The following WDR25 variants were observed in gnomAD, a reference collection of about 807,000 sequenced individuals.
WDR25 encodes WD repeat-containing protein 25.
In WDR25, 35 loss-of-function variants were observed where a neutral mutation model predicts 47.7. The ratio of observed to expected loss-of-function variants is 0.73; its 90% CI spans 0.56 to 0.97. The LOEUF is 0.97. Among genes scored for constraint, WDR25 ranks in the 50% least tolerant of loss-of-function variants. The probability of loss-of-function intolerance (pLI) is 0.00; values close to 1 mark genes in which losing one functional copy is unlikely to be tolerated. For missense variants in WDR25, 634 were observed against 704.7 expected (o/e 0.90, Z 1.14); for synonymous variants, 248 against 278.9 (o/e 0.89, Z 1.10).
rs1194782589 is a variant in WDR25 at position 100,430,890 on chromosome 14, G to C, written c.823-37131G>C. Among the ~76,000 whole-genome samples, 13 of 152,154 alleles carry C rather than the reference G, an allele frequency of 8.5e-5. No homozygotes were observed. The highest frequency in any genetic ancestry group is 8.5e-4 in the Admixed American group (13 of 15,276). On this transcript the variant is annotated intron_variant, in intron 2 of 6. Coordinates refer to ENST00000402312, the MANE Select transcript of WDR25 (RefSeq NM_001161476.3). The surrounding 1 kb of genome is among the most constrained non-coding windows in gnomAD (Gnocchi z 4.7). The stretch of plus-strand genomic sequence containing the variant: ...GTCATTTCATCCACCAACTCCTGCG[G>C]TGCCAGAGGTGTCCTCTGGCCTCAG...
intron 5 of WDR25, among the ~76,000 whole-genome samples, chr14:100,528,228 A>T (rs1471987634): frequency 1.3e-5 from 2 of 152,126 alleles, no homozygotes; most frequent in Admixed American, 6.5e-5. Context: ...AATCAATATT[A>T]AGTATGATTG....
Position 100,496,857 on chromosome 14 carries a change from A to G in WDR25, c.1101+12733A>G, listed in dbSNP as rs140877245. Among the ~76,000 whole-genome samples, 262 of 87,264 alleles carry G rather than the reference A, an allele frequency of 3.0e-3. 11 individuals are homozygous for G. The East Asian group carries it at 0.086, about 29-fold the overall frequency. 57.2% of individuals were successfully genotyped at this position (87,264 alleles called of 152,430 possible). On this transcript the variant is annotated intron_variant, in intron 4 of 6. Coordinates refer to ENST00000402312, the MANE Select transcript of WDR25 (RefSeq NM_001161476.3). ...TTTTTTTTTTTTTTTTTTTTTGGAG[A>G]CAGAGTCTTGCTCTGTCCCTTAGGC...
chr14:100,481,259 GA>G, intron 3 of WDR25: 1 of 694,884 alleles, frequency 1.4e-6, no homozygotes, highest in Non-Finnish European at 2.4e-6. Context: ...AGGAGAGAAA[GA>G]AACCAAGTCT....
At chr14:100,443,861 A>G (rs1898744047) in intron 2 of WDR25, among the ~76,000 whole-genome samples, 1 of 152,226 alleles carries the variant, frequency 6.6e-6, no homozygotes, top group African/African-American at 2.4e-5. Context: ...GCTGTCGTTT[A>G]GTGCCGGGCG....
rs570343771 is a variant in WDR25, at chr14:100,499,997, G to A, written c.1101+15873G>A. ...AGAGCTGTCCCTGAGATGGGGGATG[G>A]TACAAGCATTGGGAAATGGTCTTGC... On this transcript the variant is annotated intron_variant, in intron 4 of 6. Coordinates refer to ENST00000402312, the MANE Select transcript of WDR25 (RefSeq NM_001161476.3). This position sits in a 1 kb window ranked among gnomAD's most constrained non-coding sequence, Gnocchi z 4.4. 6.6e-6 allele frequency among the ~76,000 whole-genome samples: 1 copy of A among 152,214 alleles called. No individual in the cohort carries two copies. The highest frequency in any genetic ancestry group is 2.1e-4 in the South Asian group (1 of 4,820).
intron 4 of WDR25, among the ~76,000 whole-genome samples, chr14:100,511,171 T>C (rs2140363598): frequency 6.6e-6 from 1 of 152,344 alleles, no homozygotes; most frequent in South Asian, 2.1e-4. Flanking sequence ...AAGCATAGTA[T>C]ACTTCTCTAT....
At chr14:100,378,969 A>C (rs1896802319) in intron 1 of WDR25, among the ~76,000 whole-genome samples, 1 of 20,314 alleles carries the variant, frequency 4.9e-5, no homozygotes, top group African/African-American at 1.0e-4. Context: ...AAAAAAAAAA[A>C]AAAAAAAAAA....
At chr14:100,400,480 A>G (rs559712969) in intron 2 of WDR25, among the ~76,000 whole-genome samples, 2 of 152,356 alleles carry the variant, frequency 1.3e-5, no homozygotes, top group South Asian at 4.1e-4. Context: ...CCAGCAAGGA[A>G]GAGTTAGTTC....
intron 2 of WDR25, among the ~76,000 whole-genome samples, chr14:100,421,543 A>G (rs1898025951): frequency 6.6e-6 from 1 of 152,238 alleles, no homozygotes; most frequent in Non-Finnish European, 1.5e-5. Context: ...AAAAGAACAA[A>G]AAAATAAAAT....
chr14:100,385,546 G>T (rs559677858), intron 2 of WDR25, among the ~76,000 whole-genome samples: 3 of 152,302 alleles, frequency 2.0e-5, no homozygotes, highest in African/African-American at 4.8e-5. Flanking sequence ...CATTACAGTG[G>T]AAAGATACTT....
At chr14:100,402,441 C>T (rs979310341) in intron 2 of WDR25, among the ~76,000 whole-genome samples, 6 of 151,890 alleles carry the variant, frequency 4.0e-5, no homozygotes, top group Non-Finnish European at 8.8e-5. Flanking sequence ...AGGAGTGACT[C>T]GTTCTTTTGC....
chr14:100,471,504 T>C (rs1188124990), intron 3 of WDR25, among the ~76,000 whole-genome samples: 4 of 152,226 alleles, frequency 2.6e-5, no homozygotes, highest in Non-Finnish European at 5.9e-5. Flanking sequence ...ACTTGTCTTG[T>C]CCTTTCTCTT....
chr14:100,417,980 C>T (rs1478359120), intron 2 of WDR25, among the ~76,000 whole-genome samples: 5 of 150,286 alleles, frequency 3.3e-5, no homozygotes, highest in East Asian at 3.9e-4. Context: ...CTCGCTCTGT[C>T]GCCCAGGCTG....
Position 100,378,687 on chromosome 14 carries a change from G to GGGGAAA in WDR25, c.-16+2193_-16+2194insGGAAAG, listed in dbSNP as rs1210168020. 1.3e-3 allele frequency among the ~76,000 whole-genome samples: 34 copies of GGGGAAA among 25,596 alleles called. 1 individual carries two copies. The highest frequency in any genetic ancestry group is 0.036 in the Middle Eastern group (1 of 28). 16.8% of individuals were successfully genotyped at this position (25,596 alleles called of 152,430 possible). A position where few individuals can be genotyped will look rare whatever the true frequency, so the allele number is the denominator to read the frequency against. ...AGAATGTTCCAGGCAGGCCGGGCGC[G>GGGGAAA]GTGGCTCACGCCTGTAATCCCAGCA... On this transcript the variant is annotated intron_variant, in intron 1 of 6. Coordinates refer to ENST00000402312, the MANE Select transcript of WDR25 (RefSeq NM_001161476.3).
intron 4 of WDR25, among the ~76,000 whole-genome samples, chr14:100,490,774 G>A (rs1044720173): frequency 2.6e-5 from 4 of 152,196 alleles, no homozygotes; most frequent in African/African-American, 4.8e-5. Flanking sequence ...AGATGGCTTC[G>A]TCTACTTGGC....
intron 2 of WDR25, among the ~76,000 whole-genome samples, chr14:100,398,253 C>T (rs1897303147): frequency 1.3e-5 from 2 of 152,188 alleles, no homozygotes; most frequent in Admixed American, 1.3e-4. Context: ...AGAGGCATGT[C>T]ACTCCTTTTG....
At chr14:100,433,156 T>TTA (rs1898393535) in intron 2 of WDR25, among the ~76,000 whole-genome samples, 1 of 152,268 alleles carries the variant, frequency 6.6e-6, no homozygotes, top group Non-Finnish European at 1.5e-5. Context: ...AAAATATCCT[T>TTA]TATAGCAAAA....
intron 4 of WDR25, among the ~76,000 whole-genome samples, chr14:100,496,536 T>C (rs929627126): frequency 2.6e-5 from 4 of 152,182 alleles, no homozygotes; most frequent in Non-Finnish European, 4.4e-5. Flanking sequence ...TTTGCCCTTC[T>C]TTTTCTGATT....
Position 100,529,830 on chromosome 14 carries a change from A to T in WDR25, c.1424A>T (p.Tyr475Phe). Reference sequence around the variant, plus strand: ...TGTCCCTCTCTGCAGGTGGAGGGCTACTCAGTGGGCTGCGAGTGCTCCCCA... The same window carrying T: ...TGTCCCTCTCTGCAGGTGGAGGGCTTCTCAGTGGGCTGCGAGTGCTCCCCA... ...RRYEGHKVEG[Y>F]SVGCECSPGG... Residue 475 changes from tyrosine to phenylalanine, a missense_variant, in exon 7 of 7, where the codon TAC (tyrosine) becomes TTC (phenylalanine). By Grantham distance (22) the Tyr-to-Phe change is conservative. Transcript: ENST00000402312. This position sits in a 1 kb window ranked among gnomAD's most constrained non-coding sequence, Gnocchi z 5.1. 6.2e-7 allele frequency: 1 copy of T among 1,611,950 alleles called. No homozygotes were observed. The highest frequency in any genetic ancestry group is 8.5e-7 in the Non-Finnish European group (1 of 1,179,826).
Sources: allele counts gnomAD v4.1 joint callset (sites outside exome capture counted in the v4.1 genomes callset), GRCh38; gene constraint gnomAD v4.1.1; non-coding constraint Gnocchi (gnomAD v3.1); transcripts MANE v1.5; gene names NCBI Gene and HGNC (gene_info 2026-07-23, HGNC 2026-07-21).